The following PACSIN2 variants were observed in gnomAD, a reference collection of about 807,000 sequenced individuals.
PACSIN2 encodes the protein protein kinase C and casein kinase substrate in neurons 2.
A neutral mutation model predicts 63.8 loss-of-function variants in PACSIN2; 25 were observed. The ratio of observed to expected loss-of-function variants is 0.39; its 90% CI spans 0.29 to 0.55. The LOEUF (loss-of-function observed/expected upper bound fraction) is 0.55, where lower values mean the gene tolerates loss of function less well. Among genes scored for constraint, PACSIN2 ranks in the 20% least tolerant of loss-of-function variants. The probability of loss-of-function intolerance (pLI) is 0.62; values close to 1 mark genes in which losing one functional copy is unlikely to be tolerated. For missense variants in PACSIN2, 518 were observed against 646.9 expected (o/e 0.80, Z 2.16); for synonymous variants, 255 against 256.2 (o/e 1.00, Z 0.05).
In PACSIN2 at chr22:43,006,381, G is replaced by C. The variant is rs192542923; in HGVS notation, c.-78+8640C>G. Among the ~76,000 whole-genome samples, 106 of 152,286 alleles carry C rather than the reference G, an allele frequency of 7.0e-4. 1 individual carries two copies. Among genetic ancestry groups the C allele is most frequent in the South Asian group, 5.0e-3 (24 of 4,832 alleles). On this transcript the variant is annotated intron_variant, in intron 1 of 10. Transcript: ENST00000263246. The stretch of plus-strand genomic sequence containing the variant: ...GCACAGTCACCTAGTGATGGAGCTC[G>C]AACCCACACCCAAGGGCTGTATGAC...
chr22:42,978,136 CT>C (rs1188041692), intron 1 of PACSIN2, among the ~76,000 whole-genome samples: 1 of 152,190 alleles, frequency 6.6e-6, no homozygotes, highest in East Asian at 1.9e-4. Context: ...CTGCCATGCA[CT>C]TTTTTCAATT....
chr22:42,938,672 G>A (rs1274006823), intron 1 of PACSIN2, among the ~76,000 whole-genome samples: 1 of 152,202 alleles, frequency 6.6e-6, no homozygotes, highest in Non-Finnish European at 1.5e-5. Flanking sequence ...TGGCACAGTG[G>A]CATTCCGGTG....
intron 1 of PACSIN2, among the ~76,000 whole-genome samples, chr22:42,942,366 T>C (rs1394427377): frequency 6.6e-6 from 1 of 152,226 alleles, no homozygotes; most frequent in East Asian, 1.9e-4. Context: ...TTAATTTTTA[T>C]GAAGTTCAAT....
chr22:42,888,782 T>C lies in PACSIN2; in HGVS notation c.470A>G (p.Lys157Arg), dbSNP rs1929680576. The change falls in exon 5 of 11, where the codon AAA becomes AGA. Residue 157 changes from lysine (K) to arginine (R), a missense_variant. By Grantham distance (26) the Lys-to-Arg change is conservative (BLOSUM62 2). This residue lies in a region of PACSIN2 where 507 missense variants were observed against 612.3 expected (regional missense o/e 0.83). Transcript: ENST00000263246. The part of the protein sequence containing the change: ...KKLKEVEAAK[K>R]AHHAACKEEK... ...CTCTTTGCACGCTGCATGGTGGGCT[T>C]TCTTTGCTGCTTCTACCTACAGGGA... 1 of 1,614,200 alleles carries C rather than the reference T, an allele frequency of 6.2e-7. No individual in the cohort carries two copies. Among genetic ancestry groups the C allele is most frequent in the South Asian group, 1.1e-5 (1 of 91,082 alleles).
chr22:42,876,357 G>A lies in PACSIN2; in HGVS notation c.1152-24C>T, dbSNP rs1462876709. 3 of 1,607,734 alleles carry A rather than the reference G, an allele frequency of 1.9e-6. No individual in the cohort carries two copies. In the African/African-American group the frequency reaches 4.0e-5, roughly 21 times the overall value. ...CACTGCAAGAAAGGGGAGGCCACAG[G>A]GCCCTCAGCACAGGGCGGCAGAGGG... On this transcript the variant is annotated intron_variant, in intron 9 of 10. Coordinates refer to ENST00000263246, the MANE Select transcript of PACSIN2 (RefSeq NM_001184970.3).
intron 1 of PACSIN2, among the ~76,000 whole-genome samples, chr22:42,936,541 T>G (rs1932924208): frequency 6.6e-6 from 1 of 152,186 alleles, no homozygotes; most frequent in South Asian, 2.1e-4. Flanking sequence ...CTGGTTTAAG[T>G]GAAAATATGT....
intron 1 of PACSIN2, among the ~76,000 whole-genome samples, chr22:42,919,133 G>A (rs958044127): frequency 2.6e-5 from 4 of 152,158 alleles, no homozygotes; most frequent in Admixed American, 6.5e-5. Flanking sequence ...TGTAAAATGT[G>A]TATTTAATAA....
chr22:42,950,173 T>A (rs1471061439), intron 1 of PACSIN2, among the ~76,000 whole-genome samples: 1 of 152,076 alleles, frequency 6.6e-6, no homozygotes, highest in Admixed American at 6.5e-5. Context: ...GTATAACTAT[T>A]TACATTGTAT....
intron 1 of PACSIN2, among the ~76,000 whole-genome samples, chr22:42,931,528 G>A (rs1438806386): frequency 1.3e-5 from 2 of 152,190 alleles, no homozygotes; most frequent in South Asian, 2.1e-4. Context: ...CACAGTCAGC[G>A]TCAATGGAAC....
chr22:42,916,589 G>A (rs999010419), intron 1 of PACSIN2, among the ~76,000 whole-genome samples: 2 of 151,958 alleles, frequency 1.3e-5, no homozygotes, highest in African/African-American at 4.8e-5. Context: ...GACTCTCCTG[G>A]CTCCCCGCTC....
At chr22:42,990,771 G>A (rs1014313222) in intron 1 of PACSIN2, among the ~76,000 whole-genome samples, 5 of 152,108 alleles carry the variant, frequency 3.3e-5, no homozygotes, top group Non-Finnish European at 7.4e-5. Context: ...CAGACAGTCC[G>A]ACCCCTCCCC....
At chr22:42,965,982 T>G (rs1920951184) in intron 1 of PACSIN2, among the ~76,000 whole-genome samples, 1 of 152,172 alleles carries the variant, frequency 6.6e-6, no homozygotes, top group South Asian at 2.1e-4. Context: ...TAGGTCAATC[T>G]TTTTCATATT....
intron 1 of PACSIN2, among the ~76,000 whole-genome samples, chr22:42,980,155 G>A (rs1330922083): frequency 2.0e-5 from 3 of 152,010 alleles, no homozygotes; most frequent in Non-Finnish European, 4.4e-5. Context: ...GTGAAAATTT[G>A]TAAAATCTAT....
chr22:42,994,094 G>C (rs1285679052), intron 1 of PACSIN2, among the ~76,000 whole-genome samples: 1 of 152,200 alleles, frequency 6.6e-6, no homozygotes, highest in Non-Finnish European at 1.5e-5. Context: ...CCACGATGTA[G>C]ACTGGAATCC....
chr22:42,906,567 T>G (rs112962498), intron 2 of PACSIN2, among the ~76,000 whole-genome samples: 87 of 152,236 alleles, frequency 5.7e-4, no homozygotes, highest in African/African-American at 1.9e-3. Flanking sequence ...AAATGTCCAC[T>G]ATAGCTCAGG....
chr22:42,902,009 CA>C (rs2146696811), intron 2 of PACSIN2, among the ~76,000 whole-genome samples: 1 of 152,346 alleles, frequency 6.6e-6, no homozygotes, highest in African/African-American at 2.4e-5. Context: ...TTCATCACTC[CA>C]TTTCTGAGCG....
At chr22:42,933,156 T>C (rs1932817275) in intron 1 of PACSIN2, among the ~76,000 whole-genome samples, 1 of 152,234 alleles carries the variant, frequency 6.6e-6, no homozygotes, top group Non-Finnish European at 1.5e-5. Context: ...GAGGAAAACC[T>C]TGTTATCCCT....
chr22:42,935,103 T>C (rs1932877304), intron 1 of PACSIN2, among the ~76,000 whole-genome samples: 1 of 151,396 alleles, frequency 6.6e-6, no homozygotes, highest in East Asian at 1.9e-4. Context: ...TTTTTTTTAT[T>C]TTCAGTAGAG....
rs201923809 is a variant in PACSIN2 at position 42,888,544 on chromosome 22, T to TCCA, written c.609+96_609+98dup. ...GTTTTATTGGTTATTTATCCCTCTA[T>TCCA]CCACCCATTCACCCAAGCAGTTACA... On this transcript the variant is annotated intron_variant, in intron 5 of 10. Coordinates refer to ENST00000263246, the MANE Select transcript of PACSIN2 (RefSeq NM_001184970.3). The TCCA allele has an allele frequency of 1.1e-3, 1,349 of 1,187,000 alleles. 7 individuals are homozygous for TCCA. In the African/African-American group the frequency reaches 0.018, roughly 16 times the overall value. The allele number at this position is 1,187,000 out of a possible 1,614,324, so 73.5% of individuals were successfully genotyped here.
Sources: gnomAD v4.1 joint callset for allele counts (sites outside exome capture counted in the v4.1 genomes callset) on GRCh38, gnomAD v4.1.1 for gene constraint, gnomAD v4.1.1 regional missense constraint, MANE v1.5 for transcripts, NCBI Gene and HGNC (gene_info 2026-07-23, HGNC 2026-07-21) for gene names.